Variants in PTPN11 observed in about 807,000 individuals in gnomAD.
The protein encoded by PTPN11 is tyrosine-protein phosphatase non-receptor type 11.
A neutral mutation model predicts 78.8 loss-of-function variants in PTPN11; 6 were observed. The observed-to-expected ratio is 0.08, with a 90% CI of 0.04 to 0.15. PTPN11 has a LOEUF of 0.15. Ranked by LOEUF, PTPN11 falls within the 10% of genes least tolerant of loss-of-function variation. The pLI is 1.00. For missense variants in PTPN11, 386 were observed against 744.8 expected, an observed-to-expected ratio of 0.52 and a Z score of 5.61; for synonymous variants, 221 against 263.5, an observed-to-expected ratio of 0.84 and a Z score of 1.56.
chr12:112,438,727 C>T (rs2037834980), intron 1 of PTPN11, among the ~76,000 whole-genome samples: 1 of 152,186 alleles, frequency 6.6e-6, no homozygotes, highest in Non-Finnish European at 1.5e-5. Context: ...AAGTGATCCA[C>T]CCACCTTGGC....
chr12:112,421,258 C>T (rs2037518639), intron 1 of PTPN11, among the ~76,000 whole-genome samples: 2 of 152,286 alleles, frequency 1.3e-5, no homozygotes, highest in South Asian at 2.1e-4. Flanking sequence ...GTATAAATGA[C>T]ATGCAATTAA....
intron 10 of PTPN11, 105 bp from the exon 11 acceptor site, chr12:112,486,370 A>G: frequency 8.4e-7 from 1 of 1,193,938 alleles, no homozygotes; most frequent in East Asian, 2.4e-5. Context: ...GAACCTGGGG[A>G]GATTCTCTTC....
intron 1 of PTPN11, among the ~76,000 whole-genome samples, chr12:112,438,932 G>GT (rs78401045): frequency 0.089 from 13,602 of 152,164 alleles, 662 homozygotes; most frequent in East Asian, 0.23. Flanking sequence ...GGCTTGTTTT[G>GT]TTTTTAATTC....
chr12:112,429,728 C>T (rs2037680705), intron 1 of PTPN11, among the ~76,000 whole-genome samples: 1 of 150,076 alleles, frequency 6.7e-6, no homozygotes, highest in East Asian at 2.0e-4. Flanking sequence ...CGCTTGAACC[C>T]GGGAGTGGAG....
intron 1 of PTPN11, among the ~76,000 whole-genome samples, chr12:112,440,156 A>G (rs1052737738): frequency 5.3e-5 from 8 of 152,056 alleles, no homozygotes; most frequent in Non-Finnish European, 1.5e-5. Flanking sequence ...GCAAGGAAGG[A>G]TTTTTTTTCT....
intron 13 of PTPN11, among the ~76,000 whole-genome samples, chr12:112,498,709 C>T (rs1294527021): frequency 1.3e-5 from 2 of 152,120 alleles, no homozygotes; most frequent in African/African-American, 4.8e-5. Context: ...AGTTGATTTT[C>T]TAGGCTTCAG....
chr12:112,440,582 T>TG (rs1369953429), intron 1 of PTPN11, among the ~76,000 whole-genome samples: 4 of 141,192 alleles, frequency 2.8e-5, no homozygotes, highest in African/African-American at 1.1e-4. Flanking sequence ...TTTTTTTTTT[T>TG]TTTTTTTTTA....
intron 6 of PTPN11, among the ~76,000 whole-genome samples, chr12:112,464,034 A>G (rs1486881505): frequency 6.6e-6 from 1 of 152,220 alleles, no homozygotes; most frequent in Non-Finnish European, 1.5e-5. Flanking sequence ...TTATCATTTT[A>G]GTGATTGTAC....
chr12:112,490,814 A>G (rs1172364558), intron 13 of PTPN11, among the ~76,000 whole-genome samples: 1 of 152,144 alleles, frequency 6.6e-6, no homozygotes, highest in East Asian at 1.9e-4. Flanking sequence ...TGCAATATAT[A>G]GTTTTCTGCG....
intron 1 of PTPN11, among the ~76,000 whole-genome samples, chr12:112,420,086 AC>A (rs2037497996): frequency 6.6e-6 from 1 of 152,194 alleles, no homozygotes; most frequent in Admixed American, 6.6e-5. Flanking sequence ...CAGAATCCCT[AC>A]TTTTAATCAC....
At chr12:112,492,813 G>A (rs1036965965) in intron 13 of PTPN11, among the ~76,000 whole-genome samples, 3 of 151,990 alleles carry the variant, frequency 2.0e-5, no homozygotes, top group African/African-American at 4.8e-5. Context: ...CACTGCGCCC[G>A]GCTCTCATAA....
At chr12:112,494,281 G>C (rs551224311) in intron 13 of PTPN11, among the ~76,000 whole-genome samples, 8 of 152,150 alleles carry the variant, frequency 5.3e-5, no homozygotes, top group Non-Finnish European at 1.5e-5. Flanking sequence ...CTGTGCTTTT[G>C]GTATCAAATC....
chr12:112,441,878 G>A (rs1201028317), intron 1 of PTPN11, among the ~76,000 whole-genome samples: 3 of 151,514 alleles, frequency 2.0e-5, no homozygotes, highest in Non-Finnish European at 2.9e-5. Flanking sequence ...CTGGGTTCAC[G>A]CCATTCTCCT....
At chr12:112,446,755 TA>T (rs2037999956) in intron 2 of PTPN11, among the ~76,000 whole-genome samples, 1 of 151,864 alleles carries the variant, frequency 6.6e-6, no homozygotes, top group East Asian at 1.9e-4. Flanking sequence ...TTTTTTTTTT[TA>T]AATAGAGGTG....
At chr12:112,491,606 A>AT (rs2038745302) in intron 13 of PTPN11, among the ~76,000 whole-genome samples, 1 of 152,218 alleles carries the variant, frequency 6.6e-6, no homozygotes, top group Non-Finnish European at 1.5e-5. Context: ...ACTAACATTG[A>AT]TATAACACTA....
chr12:112,436,346 G>C (rs919832682), intron 1 of PTPN11, among the ~76,000 whole-genome samples: 1 of 152,044 alleles, frequency 6.6e-6, no homozygotes, highest in Admixed American at 6.6e-5. Flanking sequence ...GTTCTTTTAT[G>C]TGCATTAATT....
intron 4 of PTPN11, among the ~76,000 whole-genome samples, chr12:112,454,339 C>T (rs1035319559): frequency 4.6e-5 from 7 of 151,984 alleles, no homozygotes; most frequent in African/African-American, 1.5e-4. Context: ...AGGCTGGTCT[C>T]GAACTCCTGA....
Position 112,489,179 on chromosome 12 carries a change from C to A in PTPN11, c.1599+4C>A, listed in dbSNP as rs142606486. ...GCGCAGGATTGAAGAAGAGCAGGTA[C>A]CAGCCTGAGGGCTGGCATGCGGATT... is the stretch of plus-strand genomic sequence containing the variant. On this transcript the variant is annotated splice_donor_region_variant and intron_variant, in intron 13 of 15. Transcript: ENST00000351677. 14 of 1,614,160 alleles carry A rather than the reference C, an allele frequency of 8.7e-6. No individual in the cohort carries two copies. Among genetic ancestry groups the A allele is most frequent in the Non-Finnish European group, 1.1e-5 (13 of 1,179,998 alleles).
intron 6 of PTPN11, chr12:112,457,522 G>T: frequency 6.4e-6 from 1 of 156,386 alleles, no homozygotes; most frequent in Non-Finnish European, 1.4e-5. Context: ...TAATCCTTTG[G>T]GTATATACCC....
Sources: allele counts gnomAD v4.1 joint callset (sites outside exome capture counted in the v4.1 genomes callset), GRCh38; gene constraint gnomAD v4.1.1; transcripts MANE v1.5; gene names NCBI Gene and HGNC (gene_info 2026-07-23, HGNC 2026-07-21).